Variants in EFHB observed in about 807,000 individuals in gnomAD.
The protein encoded by EFHB is EF-hand domain-containing family member B.
A neutral mutation model predicts 87.2 loss-of-function variants in EFHB; 91 were observed. The ratio of observed to expected loss-of-function variants is 1.04; its 90% CI spans 0.88 to 1.24. EFHB has a LOEUF of 1.24. EFHB is among the 50% of genes most tolerant of loss of function. The pLI, the probability that EFHB is intolerant of heterozygous loss-of-function variation, is 0.00. For synonymous variants in EFHB, 325 were observed against 333.6 expected (o/e 0.97, Z 0.28); for missense variants, 1,084 against 998.8 (o/e 1.09, Z -1.15).
chr3:19,897,726 G>A (rs754641715), intron 8 of EFHB, among the ~76,000 whole-genome samples: 6 of 152,078 alleles, frequency 3.9e-5, no homozygotes, highest in Non-Finnish European at 7.4e-5. Context: ...GCTAATTGAT[G>A]GTTTCCTAAT....
rs149791326 is a variant in EFHB at position 19,926,249 on chromosome 3, C to G, written c.790-5682G>C. On this transcript the variant is annotated intron_variant, in intron 1 of 12. Transcript: ENST00000295824. ...TCATTTGTCTATTGGTCTCCAGTCT[C>G]TAAGTTCCTTGAATGCAGGTAGTAT... 1.4e-4 allele frequency among the ~76,000 whole-genome samples: 22 copies of G among 152,288 alleles called. No individual in the cohort carries two copies. In the East Asian group the frequency reaches 4.1e-3, roughly 28 times the overall value.
intron 6 of EFHB, among the ~76,000 whole-genome samples, chr3:19,902,251 C>T (rs1694695836): frequency 6.6e-6 from 1 of 152,202 alleles, no homozygotes. Flanking sequence ...GGCATGCCTA[C>T]ATCTGATGAC....
chr3:19,898,766 G>T lies in EFHB; in HGVS notation c.1570+12C>A, dbSNP rs1694568427. On this transcript the variant is annotated intron_variant, in intron 8 of 12. Coordinates refer to ENST00000295824, the MANE Select transcript of EFHB (RefSeq NM_144715.4). ...GTTTGGGGTTTTTTACGGAGAAAGT[G>T]TGTATATTTACCATATTCCTCAGGA... 1.9e-6 allele frequency: 3 copies of T among 1,612,466 alleles called. No individual in the cohort carries two copies. In the South Asian group the frequency reaches 3.3e-5, roughly 18 times the overall value.
chr3:19,918,391 G>C lies in EFHB; in HGVS notation c.1018C>G (p.Gln340Glu). ...TTCTGTTGAAATGTGGTAATAGGCT[G>C]TGGGTTTATCAATGTGTTTGCCTAA... is the stretch of plus-strand genomic sequence containing the variant. Reference protein sequence around the residue: ...SVLANTLINPQPITTFQQKIK... With the variant: ...SVLANTLINPEPITTFQQKIK... Residue 340 changes from glutamine (Q) to glutamate (E), a missense_variant, in exon 4 of 13, where the codon CAG (glutamine) becomes GAG (glutamate). Coordinates refer to ENST00000295824, the MANE Select transcript of EFHB (RefSeq NM_144715.4). 1 of 1,602,188 alleles carries C rather than the reference G, an allele frequency of 6.2e-7. No homozygotes were observed. The highest frequency in any genetic ancestry group is 1.3e-5 in the African/African-American group (1 of 74,118).
intron 9 of EFHB, among the ~76,000 whole-genome samples, chr3:19,889,264 T>C (rs1375456125): frequency 6.6e-6 from 1 of 152,170 alleles, no homozygotes; most frequent in East Asian, 1.9e-4. Flanking sequence ...ACTTGGGAGA[T>C]GAAGGGGCAG....
intron 3 of EFHB, 127 bp downstream of exon 3, chr3:19,919,706 T>G: frequency 1.6e-4 from 150 of 956,194 alleles, no homozygotes; most frequent in Middle Eastern, 3.5e-4. Flanking sequence ...GAAGACAGAT[T>G]GAGAAAAGCC....
At position 19,919,955 on chromosome 3, in the gene EFHB, T is replaced by C. The variant is rs2125152330; in HGVS notation, c.874A>G (p.Lys292Glu). ...GGATATCTGAAGTTGAAATACTTTT[T>C]TGCTTCAGGTGGAGTAATTAGCTAC... is the stretch of plus-strand genomic sequence containing the variant. ...LPRLITPPEA[K>E]KYFNFRYPPA... is the part of the protein sequence containing the mutation. The change falls in exon 3 of 13, where the codon AAA becomes GAA. Residue 292 changes from lysine (K) to glutamate (E), a missense_variant. By Grantham distance (56) the Lys-to-Glu change is moderately conservative. Coordinates refer to ENST00000295824, the MANE Select transcript of EFHB (RefSeq NM_144715.4). 1.2e-6 allele frequency: 2 copies of C among 1,613,720 alleles called. No homozygotes were observed. The highest frequency in any genetic ancestry group is 8.5e-7 in the Non-Finnish European group (1 of 1,179,780).
At chr3:19,934,281 C>G (rs1321456302), upstream of EFHB, 1 of 1,366,058 alleles carries the variant, frequency 7.3e-7, no homozygotes, top group African/African-American at 1.5e-5. Context: ...TGGACAGATC[C>G]CTGCCCATCT....
upstream of EFHB, among the ~76,000 whole-genome samples, chr3:19,938,796 C>A (rs1469554196): frequency 6.6e-6 from 1 of 152,210 alleles, no homozygotes; most frequent in Admixed American, 6.5e-5. Flanking sequence ...TCTCTGCCAA[C>A]CTCTTCAGCT....
At chr3:19,938,193 T>C (rs1174447865), upstream of EFHB, among the ~76,000 whole-genome samples, 2 of 152,196 alleles carry the variant, frequency 1.3e-5, no homozygotes, top group Non-Finnish European at 2.9e-5. Flanking sequence ...AGGGCTGTGA[T>C]TGACTGGGAA....
At position 19,881,195 on chromosome 3, in the gene EFHB, T is replaced by G. The variant is rs1418360316; in HGVS notation, c.2328+1355A>C. Among the ~76,000 whole-genome samples, 2 of 152,140 alleles carry G rather than the reference T, an allele frequency of 1.3e-5. 1 individual carries two copies. Among genetic ancestry groups the G allele is most frequent in the South Asian group, 4.1e-4 (2 of 4,826 alleles). On this transcript the variant is annotated intron_variant, in intron 12 of 12. Transcript: ENST00000295824. ...CTATTTTCCCCACCCACTGGTAGTT[T>G]AAAAAGGCCCCTGCAGAGTGAGCTC...
chr3:19,893,300 G>A (rs1433185522), intron 9 of EFHB, among the ~76,000 whole-genome samples: 1 of 152,154 alleles, frequency 6.6e-6, no homozygotes, highest in African/African-American at 2.4e-5. Flanking sequence ...AGAGGGACCA[G>A]GGATTTCTTA....
intron 6 of EFHB, among the ~76,000 whole-genome samples, chr3:19,899,725 G>A (rs761656625): frequency 2.0e-5 from 3 of 152,090 alleles, no homozygotes; most frequent in Non-Finnish European, 4.4e-5. Context: ...AATGAATAAG[G>A]TAAGCAAACA....
chr3:19,898,509 A>G (rs1194506881), intron 8 of EFHB, among the ~76,000 whole-genome samples: 1 of 152,214 alleles, frequency 6.6e-6, no homozygotes, highest in Non-Finnish European at 1.5e-5. Flanking sequence ...AATATAGGCC[A>G]TATTTATTTT....
At chr3:19,942,984 C>A in intron 1 of EFHB, 1 of 264,982 alleles carries the variant, frequency 3.8e-6, no homozygotes. Context: ...TTTTTTATCT[C>A]TCCCTTGTAT....
At chr3:19,908,598 G>GAGAGAGAGAGAA (rs1694937855) in intron 5 of EFHB, among the ~76,000 whole-genome samples, 9 of 77,854 alleles carry the variant, frequency 1.2e-4, no homozygotes, top group East Asian at 5.7e-4. Flanking sequence ...GAGAGAGAGA[G>GAGAGAGAGAGAA]AGAAAGAAAG....
At position 19,896,766 on chromosome 3, in the gene EFHB, G is replaced by A; in HGVS notation, c.1646C>T (p.Ala549Val). Reference protein sequence around the residue: ...RGKDRQRALIAAVRHHLKKVN... With the variant: ...RGKDRQRALIVAVRHHLKKVN... ...TTTCTTCAGGTGATGCCGAACTGCT[G>A]CAATCAGGGCTCGCTGTCTATCCTT... Residue 549 changes from alanine (A) to valine (V), a missense_variant, in exon 9 of 13, where the codon GCA (alanine) becomes GTA (valine). Coordinates refer to ENST00000295824, the MANE Select transcript of EFHB (RefSeq NM_144715.4). 1 of 1,612,744 alleles carries A rather than the reference G, an allele frequency of 6.2e-7. No individual in the cohort carries two copies. Among genetic ancestry groups the A allele is most frequent in the Non-Finnish European group, 8.5e-7 (1 of 1,178,744 alleles).
intron 9 of EFHB, among the ~76,000 whole-genome samples, chr3:19,891,339 A>C (rs1694299299): frequency 6.6e-6 from 1 of 152,000 alleles, no homozygotes; most frequent in African/African-American, 2.4e-5. Flanking sequence ...TGTAGGTGTG[A>C]GCCACCACAC....
At chr3:19,913,201 G>A (rs979074791) in intron 5 of EFHB, among the ~76,000 whole-genome samples, 3 of 152,100 alleles carry the variant, frequency 2.0e-5, no homozygotes, top group African/African-American at 7.2e-5. Context: ...CCAAGCTAGA[G>A]CAACCAGACA....
Sources: allele counts gnomAD v4.1 joint callset (sites outside exome capture counted in the v4.1 genomes callset), GRCh38; gene constraint gnomAD v4.1.1; transcripts MANE v1.5; gene names NCBI Gene and HGNC (gene_info 2026-07-23, HGNC 2026-07-21).